Variants in ERF observed in about 807,000 individuals in gnomAD.
The protein encoded by ERF is ETS2 repressor factor, also known as ETS domain-containing transcription factor ERF.
In ERF, 10 loss-of-function variants were observed where a neutral mutation model predicts 41.6. That is an observed-to-expected ratio of 0.24 (90% CI 0.15 to 0.41). ERF has a LOEUF of 0.41. Among genes scored for constraint, ERF ranks in the 10% least tolerant of loss-of-function variants. The pLI, the probability that ERF is intolerant of heterozygous loss-of-function variation, is 1.00. For synonymous variants in ERF, 395 were observed against 342.4 expected, an observed-to-expected ratio of 1.15 and a Z score of -1.70; for missense variants, 621 against 763.2, an observed-to-expected ratio of 0.81 and a Z score of 2.19.
At position 42,254,935 on chromosome 19, in the gene ERF, C is replaced by T. The variant is rs368375765; in HGVS notation, c.22+43G>A. ...CCCAAAGTTTCTCCGTTCGGTTTCC[C>T]GGGGCAACAAGTCTCCCCCACACGT... On this transcript the variant is annotated intron_variant, in intron 1 of 3. Coordinates refer to ENST00000222329, the MANE Select transcript of ERF (RefSeq NM_006494.4). 5 of 1,517,292 alleles carry T rather than the reference C, an allele frequency of 3.3e-6. No individual in the cohort carries two copies. In the African/African-American group the frequency reaches 7.3e-5, roughly 22 times the overall value. 94.0% of individuals were successfully genotyped at this position (1,517,292 alleles called of 1,614,324 possible).
In ERF at chr19:42,248,720, A is replaced by C; in HGVS notation, c.1392T>G (p.Pro464=). ...CGGGTGCCTCGCCGGGCTCAGGCTT[A>C]GGGGGTGCAGGTGGGGCACGGGGCG... ...FKTPRAPPAP[P]KPEPGEAPGA... Residue 464 remains proline (P), a synonymous_variant, in exon 4 of 4, where the codon CCT becomes CCG. Coordinates refer to ENST00000222329, the MANE Select transcript of ERF (RefSeq NM_006494.4). This position sits in a 1 kb window ranked among gnomAD's most constrained non-coding sequence, Gnocchi z 4.2. 1 of 1,613,536 alleles carries C rather than the reference A, an allele frequency of 6.2e-7. No individual in the cohort carries two copies. Among genetic ancestry groups the C allele is most frequent in the Non-Finnish European group, 8.5e-7 (1 of 1,179,884 alleles).
In ERF at chr19:42,249,063, A is replaced by T; in HGVS notation, c.1049T>A (p.Leu350Gln). ...TGGGGTCTCGGGTGCCATGGGCGGC[A>T]GCGGGCACTTGTCAGGGCGCTGGGG... ...PQPQRPDKCPLPPMAPETPPV... is the reference protein window; with the variant it reads ...PQPQRPDKCPQPPMAPETPPV... Residue 350 changes from leucine to glutamine, a missense_variant, in exon 4 of 4, where the codon CTG becomes CAG. Coordinates refer to ENST00000222329, the MANE Select transcript of ERF (RefSeq NM_006494.4). This position sits in a 1 kb window ranked among gnomAD's most constrained non-coding sequence, Gnocchi z 8.6. The T allele has an allele frequency of 1.2e-6, 2 of 1,612,994 alleles. No individual in the cohort carries two copies. Among genetic ancestry groups the T allele is most frequent in the Non-Finnish European group, 1.7e-6 (2 of 1,179,546 alleles).
intron 1 of ERF, chr19:42,254,660 G>C: frequency 4.2e-6 from 1 of 238,322 alleles, no homozygotes; most frequent in Non-Finnish European, 8.2e-6. Context: ...AGAGTGCAAC[G>C]TGACAAGAGC....
chr19:42,249,973 C>A lies in ERF; in HGVS notation c.258-31G>T. On this transcript the variant is annotated intron_variant, in intron 2 of 3. Transcript: ENST00000222329. The surrounding 1 kb of genome is among the most constrained non-coding windows in gnomAD (Gnocchi z 8.6). ...GGTACAGAAATGCCATTGGGAAGGTCAGGTACGTGGGACCCAGGTCTAGAC... is the reference window on the plus strand; with the variant it reads ...GGTACAGAAATGCCATTGGGAAGGTAAGGTACGTGGGACCCAGGTCTAGAC... 2 of 1,602,678 alleles carry A rather than the reference C, an allele frequency of 1.2e-6. No homozygotes were observed. The highest frequency in any genetic ancestry group is 2.2e-5 in the South Asian group (2 of 90,772).
Position 42,249,521 on chromosome 19 carries a change from C to T in ERF, c.591G>A (p.Glu197=). 1 of 1,613,166 alleles carries T rather than the reference C, an allele frequency of 6.2e-7. No individual in the cohort carries two copies. The highest frequency in any genetic ancestry group is 8.5e-7 in the Non-Finnish European group (1 of 1,179,938). ...SDCSDGTSEL[E]EPLGEDPRAR... is the part of the protein sequence containing the mutation. ...CGCGGGGATCCTCTCCCAGCGGTTCCTCCAGCTCTGACGTGCCATCACTAC... is the reference window on the plus strand; with the variant it reads ...CGCGGGGATCCTCTCCCAGCGGTTCTTCCAGCTCTGACGTGCCATCACTAC... The change falls in exon 4 of 4, where the codon GAG becomes GAA. Residue 197 remains glutamate, a synonymous_variant. Transcript: ENST00000222329. This position sits in a 1 kb window ranked among gnomAD's most constrained non-coding sequence, Gnocchi z 8.6.
At chr19:42,253,969 G>T (rs1452292001) in intron 1 of ERF, 1 of 1,014,892 alleles carries the variant, frequency 9.9e-7, no homozygotes, top group Non-Finnish European at 1.2e-6. Flanking sequence ...TTCCGACGGG[G>T]TAGACGGGCA....
chr19:42,253,687 C>G (rs1407791645), intron 1 of ERF, among the ~76,000 whole-genome samples: 1 of 152,052 alleles, frequency 6.6e-6, no homozygotes, highest in Non-Finnish European at 1.5e-5. Context: ...AGGGCCCCTC[C>G]TCGGTCCGGG....
chr19:42,248,394 G>T lies in ERF; in HGVS notation c.*71C>A. 20 of 1,343,876 alleles carry T rather than the reference G, an allele frequency of 1.5e-5. No homozygotes were observed. Among genetic ancestry groups the T allele is most frequent in the Non-Finnish European group, 1.9e-5 (20 of 1,034,252 alleles). 83.2% of individuals were successfully genotyped at this position (1,343,876 alleles called of 1,614,324 possible). ...ACAAGAGAGCTGCCCTCACCTCCAGGGCATAGGGGGCTTAAGGCAGCAAAA... is the reference window on the plus strand; with the variant it reads ...ACAAGAGAGCTGCCCTCACCTCCAGTGCATAGGGGGCTTAAGGCAGCAAAA... On this transcript the variant is annotated 3_prime_UTR_variant, in exon 4 of 4. Coordinates refer to ENST00000222329, the MANE Select transcript of ERF (RefSeq NM_006494.4). This position sits in a 1 kb window ranked among gnomAD's most constrained non-coding sequence, Gnocchi z 4.2.
chr19:42,250,757 G>T lies in ERF; in HGVS notation c.23-192C>A, dbSNP rs572388338. Among the ~76,000 whole-genome samples, 1 of 152,180 alleles carries T rather than the reference G, an allele frequency of 6.6e-6. No homozygotes were observed. Among genetic ancestry groups the T allele is most frequent in the Admixed American group, 6.5e-5 (1 of 15,276 alleles). ...GCATGTGAGGGGCTAGACAGGAGCT[G>T]GGGGGGAGGGGAAGCTGGAGCCCGC... is the stretch of plus-strand genomic sequence containing the variant. On this transcript the variant is annotated intron_variant, in intron 1 of 3. Transcript: ENST00000222329. The surrounding 1 kb of genome is among the most constrained non-coding windows in gnomAD (Gnocchi z 5.1).
At chr19:42,251,172 G>A (rs2036439416) in intron 1 of ERF, 1 of 971,736 alleles carries the variant, frequency 1.0e-6, no homozygotes. Context: ...TCCCTGGAGA[G>A]TGAAACCCAG....
rs573630865 is a variant in ERF at position 42,248,432 on chromosome 19, G to A, written c.*33C>T. 10 of 1,449,060 alleles carry A rather than the reference G, an allele frequency of 6.9e-6. No homozygotes were observed. The highest frequency in any genetic ancestry group is 5.0e-5 in the Admixed American group (2 of 39,930). The allele number at this position is 1,449,060 out of a possible 1,614,324, so 89.8% of individuals were successfully genotyped here. ...TAAGGCAGCAAAAGAAGCATGGGGG[G>A]TGCGGGGCACACAGGTCCCCTGCCC... is the stretch of plus-strand genomic sequence containing the variant. On this transcript the variant is annotated 3_prime_UTR_variant, in exon 4 of 4. Coordinates refer to ENST00000222329, the MANE Select transcript of ERF (RefSeq NM_006494.4). This position sits in a 1 kb window ranked among gnomAD's most constrained non-coding sequence, Gnocchi z 4.2.
rs1332211486 is a variant in ERF, at chr19:42,248,669, C to T, written c.1443G>A (p.Lys481=). Residue 481 remains lysine (K), a synonymous_variant, in exon 4 of 4, where the codon AAG becomes AAA. Transcript: ENST00000222329. This position sits in a 1 kb window ranked among gnomAD's most constrained non-coding sequence, Gnocchi z 4.2. ...CACTCCAGCGCCGCTTAAAGCGTAGCTTGAGGGGCATGCACTGGGATGCCC... is the reference window on the plus strand; with the variant it reads ...CACTCCAGCGCCGCTTAAAGCGTAGTTTGAGGGGCATGCACTGGGATGCCC... ...APGASQCMPL[K]LRFKRRWSED... 2 of 1,606,176 alleles carry T rather than the reference C, an allele frequency of 1.2e-6. No individual in the cohort carries two copies. The highest frequency in any genetic ancestry group is 1.3e-5 in the African/African-American group (1 of 74,768).
rs1362236339 is a variant in ERF at position 42,248,271 on chromosome 19, T to A, written c.*194A>T. On this transcript the variant is annotated 3_prime_UTR_variant, in exon 4 of 4. Transcript: ENST00000222329. The surrounding 1 kb of genome is among the most constrained non-coding windows in gnomAD (Gnocchi z 4.2). ...ACCCACAGAGACAGGGAATAGCCCCTAGCCCTGGGCACCCACCCACCCCCA... is the reference window on the plus strand; with the variant it reads ...ACCCACAGAGACAGGGAATAGCCCCAAGCCCTGGGCACCCACCCACCCCCA... 1.5e-4 allele frequency: 26 copies of A among 172,784 alleles called. No homozygotes were observed. Among genetic ancestry groups the A allele is most frequent in the East Asian group, 2.9e-4 (2 of 6,962 alleles). 10.7% of individuals were successfully genotyped at this position (172,784 alleles called of 1,614,324 possible).
Position 42,248,286 on chromosome 19 carries a change from A to AC in ERF, c.*178dup. On this transcript the variant is annotated 3_prime_UTR_variant, in exon 4 of 4. Transcript: ENST00000222329. This position sits in a 1 kb window ranked among gnomAD's most constrained non-coding sequence, Gnocchi z 4.2. Reference sequence around the variant, plus strand: ...GAATAGCCCCTAGCCCTGGGCACCCACCCACCCCCACCATTTTTAAAAAAA... The same window carrying AC: ...GAATAGCCCCTAGCCCTGGGCACCCACCCCACCCCCACCATTTTTAAAAAAA... 2 of 242,724 alleles carry AC rather than the reference A, an allele frequency of 8.2e-6. No homozygotes were observed. Among genetic ancestry groups the AC allele is most frequent in the Non-Finnish European group, 1.3e-5 (2 of 153,920 alleles). The allele number at this position is 242,724 out of a possible 1,614,324, so 15.0% of individuals were successfully genotyped here. A position where few individuals can be genotyped will look rare whatever the true frequency, so the allele number is the denominator to read the frequency against.
Position 42,255,092 on chromosome 19 carries a change from T to TCGC in ERF, c.-96_-94dup. The TCGC allele has an allele frequency of 8.8e-7, 1 of 1,140,970 alleles. No individual in the cohort carries two copies. The highest frequency in any genetic ancestry group is 3.4e-5 in the East Asian group (1 of 29,674). The allele number at this position is 1,140,970 out of a possible 1,614,324, so 70.7% of individuals were successfully genotyped here. A position where few individuals can be genotyped will look rare whatever the true frequency, so the allele number is the denominator to read the frequency against. On this transcript the variant is annotated 5_prime_UTR_variant, in exon 1 of 4. Transcript: ENST00000222329. ...CCGTCCCGCGCCCGTCGGGCCGCCC[T>TCGC]CGCCGCCTCACCCGGCCTCGCCTCT... is the stretch of plus-strand genomic sequence containing the variant.
intron 1 of ERF, among the ~76,000 whole-genome samples, chr19:42,254,085 G>A (rs958219704): frequency 2.0e-5 from 3 of 150,558 alleles, no homozygotes; most frequent in Non-Finnish European, 3.0e-5. Flanking sequence ...AGTGGGAGGG[G>A]GAGTTAATCC....
chr19:42,254,034 C>A (rs1053572163), intron 1 of ERF: 50 of 693,092 alleles, frequency 7.2e-5, no homozygotes, highest in Non-Finnish European at 8.5e-5. Flanking sequence ...CCAGCCCGCG[C>A]GAGCCCGGGG....
intron 1 of ERF, chr19:42,254,042 G>C (rs1334325350): frequency 3.7e-6 from 2 of 543,950 alleles, no homozygotes; most frequent in African/African-American, 2.1e-5. Context: ...CGCGAGCCCG[G>C]GGGCGGCGGG....
Position 42,249,303 on chromosome 19 carries a change from A to G in ERF, c.809T>C (p.Met270Thr). 1 of 1,598,440 alleles carries G rather than the reference A, an allele frequency of 6.3e-7. No homozygotes were observed. Among genetic ancestry groups the G allele is most frequent in the Non-Finnish European group, 8.5e-7 (1 of 1,172,618 alleles). ...AGTGTAGGCCAGGTGGGTGGGCGTCATGGGCAGAGCCGGGGAGAGCTGAGG... is the reference window on the plus strand; with the variant it reads ...AGTGTAGGCCAGGTGGGTGGGCGTCGTGGGCAGAGCCGGGGAGAGCTGAGG... ...LPPQLSPALP[M>T]TPTHLAYTPS... Residue 270 changes from methionine (M) to threonine (T), a missense_variant, in exon 4 of 4, where the codon ATG becomes ACG. Physicochemically the swap from Met to Thr is moderately conservative, Grantham distance 81. Transcript: ENST00000222329. This position sits in a 1 kb window ranked among gnomAD's most constrained non-coding sequence, Gnocchi z 8.6.
Sources: allele counts gnomAD v4.1 joint callset (sites outside exome capture counted in the v4.1 genomes callset), GRCh38; gene constraint gnomAD v4.1.1; non-coding constraint Gnocchi (gnomAD v3.1); transcripts MANE v1.5; gene names NCBI Gene and HGNC (gene_info 2026-07-23, HGNC 2026-07-21).